The following RANBP10 variants were observed in gnomAD, a reference collection of about 807,000 sequenced individuals.
RANBP10 encodes the protein ran-binding protein 10.
A neutral mutation model predicts 72.8 loss-of-function variants in RANBP10; 24 were observed. The ratio of observed to expected loss-of-function variants is 0.33; its 90% confidence interval spans 0.24 to 0.46. The LOEUF (loss-of-function observed/expected upper bound fraction) is 0.46. Ranked by LOEUF, RANBP10 falls within the 20% of genes least tolerant of loss-of-function variation. The probability of loss-of-function intolerance (pLI) is 1.00; values close to 1 mark genes in which losing one functional copy is unlikely to be tolerated. For missense variants in RANBP10, 679 were observed against 817.5 expected (o/e 0.83, Z 2.07); for synonymous variants, 310 against 322.3 (o/e 0.96, Z 0.41).
Position 67,795,590 on chromosome 16 carries a change from G to A in RANBP10, c.347+9838C>T, listed in dbSNP as rs142368024. Among the ~76,000 whole-genome samples, 1,317 of 151,396 alleles carry A rather than the reference G, an allele frequency of 8.7e-3. 6 individuals carry two copies. Among genetic ancestry groups the A allele is most frequent in the Non-Finnish European group, 0.014 (953 of 67,882 alleles). The stretch of plus-strand genomic sequence containing the variant: ...TTTTTAAAAATAAAGGTTTTCGGCC[G>A]GGCGCGGTGGCTCACACCTGTAATC... On this transcript the variant is annotated intron_variant, in intron 2 of 13. Coordinates refer to ENST00000317506, the MANE Select transcript of RANBP10 (RefSeq NM_020850.3).
chr16:67,780,213 A>G (rs2054785086), intron 2 of RANBP10, among the ~76,000 whole-genome samples: 1 of 152,130 alleles, frequency 6.6e-6, no homozygotes. Context: ...GCCTGGCAAC[A>G]AAGCTAGACT....
intron 13 of RANBP10, among the ~76,000 whole-genome samples, chr16:67,726,819 GCAGA>G (rs2053610730): frequency 6.6e-6 from 1 of 152,242 alleles, no homozygotes; most frequent in Admixed American, 6.5e-5. Flanking sequence ...ACTCAGCTGG[GCAGA>G]CAGAGGTCAA....
chr16:67,749,312 C>T (rs2054150166), intron 3 of RANBP10, among the ~76,000 whole-genome samples: 1 of 152,208 alleles, frequency 6.6e-6, no homozygotes, highest in Non-Finnish European at 1.5e-5. Flanking sequence ...CAGGAAGCCT[C>T]TATTTAAACA....
Position 67,774,439 on chromosome 16 carries a change from C to T in RANBP10, c.348-2353G>A, listed in dbSNP as rs150602434. 5.1e-3 allele frequency among the ~76,000 whole-genome samples: 773 copies of T among 152,346 alleles called. 4 individuals are homozygous for T. Among genetic ancestry groups the T allele is most frequent in the African/African-American group, 0.018 (756 of 41,574 alleles). ...TCAAAACACAACTTGCTTAGGCCTC[C>T]CCACAGGAGACGCCTCTCCCTTCTC... On this transcript the variant is annotated intron_variant, in intron 2 of 13. Transcript: ENST00000317506.
At position 67,729,418 on chromosome 16, in the gene RANBP10, T is replaced by C. The variant is rs1326134652; in HGVS notation, c.1214A>G (p.Tyr405Cys). The C allele has an allele frequency of 3.7e-6, 6 of 1,611,814 alleles. No homozygotes were observed. The East Asian group carries it at 1.1e-4, about 30-fold the overall frequency. Residue 405 changes from tyrosine to cysteine, a missense_variant, in exon 10 of 14, where the codon TAC (tyrosine) becomes TGC (cysteine). Physicochemically the swap from Tyr to Cys is radical, Grantham distance 194. Transcript: ENST00000317506. This position sits in a 1 kb window ranked among gnomAD's most constrained non-coding sequence, Gnocchi z 7.1. Reference sequence around the variant, plus strand: ...CGAGGATGAGGAGCTGGGTGCAGGGTATTTACTGTGGTTCTGTTTGCTCTT... The same window carrying C: ...CGAGGATGAGGAGCTGGGTGCAGGGCATTTACTGTGGTTCTGTTTGCTCTT... ...STKSKQNHSK[Y>C]PAPSSSSSSS... is the part of the protein sequence containing the mutation.
At position 67,729,243 on chromosome 16, in the gene RANBP10, G is replaced by A. The variant is rs1399745248; in HGVS notation, c.1352+37C>T. ...CTGCAATGGGCCCAGCTGGCATAAG[G>A]CAGAAGGCAGAGGAGGAAGCAGAGC... On this transcript the variant is annotated intron_variant, in intron 10 of 13. Coordinates refer to ENST00000317506, the MANE Select transcript of RANBP10 (RefSeq NM_020850.3). This position sits in a 1 kb window ranked among gnomAD's most constrained non-coding sequence, Gnocchi z 7.1. 1.9e-6 allele frequency: 3 copies of A among 1,605,298 alleles called. No homozygotes were observed. Among genetic ancestry groups the A allele is most frequent in the African/African-American group, 2.7e-5 (2 of 74,918 alleles).
At chr16:67,744,192 G>T in intron 4 of RANBP10, 96 bp downstream of exon 4, 1 of 1,529,314 alleles carries the variant, frequency 6.5e-7, no homozygotes, top group East Asian at 2.3e-5. Flanking sequence ...CCAGAGCTCA[G>T]CAGAGGCGAC....
intron 3 of RANBP10, among the ~76,000 whole-genome samples, chr16:67,749,173 G>C (rs1420059061): frequency 6.6e-6 from 1 of 152,202 alleles, no homozygotes; most frequent in African/African-American, 2.4e-5. Context: ...TGTGACTGGA[G>C]AGGTGACACA....
intron 5 of RANBP10, 105 bp downstream of exon 5, chr16:67,737,908 G>A (rs2053886142): frequency 2.1e-6 from 3 of 1,408,972 alleles, no homozygotes; most frequent in African/African-American, 1.4e-5. Flanking sequence ...ATCCCTGGTT[G>A]GGGAAAGAAC....
In RANBP10 at chr16:67,730,145, G is replaced by T; in HGVS notation, c.890-99C>A. ...CAGCCTCAGGGTAGGGTCCGGCTCA[G>T]AGTGCCTCGCCAGCTTGAAATGCTC... On this transcript the variant is annotated intron_variant, in intron 7 of 13. Transcript: ENST00000317506. The surrounding 1 kb of genome is among the most constrained non-coding windows in gnomAD (Gnocchi z 4.3). 1 of 1,071,864 alleles carries T rather than the reference G, an allele frequency of 9.3e-7. No individual in the cohort carries two copies. Among genetic ancestry groups the T allele is most frequent in the Non-Finnish European group, 1.4e-6 (1 of 723,412 alleles). 66.4% of individuals were successfully genotyped at this position (1,071,864 alleles called of 1,614,324 possible). A position where few individuals can be genotyped will look rare whatever the true frequency, so the allele number is the denominator to read the frequency against.
chr16:67,761,433 G>T (rs1310498236), intron 3 of RANBP10, among the ~76,000 whole-genome samples: 4 of 152,202 alleles, frequency 2.6e-5, no homozygotes, highest in African/African-American at 9.7e-5. Flanking sequence ...TGATTGCTGT[G>T]CCATCTTTTT....
At chr16:67,777,465 G>T (rs1482324885) in intron 2 of RANBP10, among the ~76,000 whole-genome samples, 1 of 152,142 alleles carries the variant, frequency 6.6e-6, no homozygotes, top group Non-Finnish European at 1.5e-5. Flanking sequence ...GAACCCAGGA[G>T]GCTGAGCTTG....
intron 3 of RANBP10, among the ~76,000 whole-genome samples, chr16:67,763,841 C>T (rs1402716119): frequency 6.6e-6 from 1 of 152,192 alleles, no homozygotes; most frequent in African/African-American, 2.4e-5. Context: ...ACTGTAGGCG[C>T]ACGCCACCAC....
chr16:67,765,490 G>A (rs968863206), intron 3 of RANBP10, among the ~76,000 whole-genome samples: 1 of 151,858 alleles, frequency 6.6e-6, no homozygotes, highest in Non-Finnish European at 1.5e-5. Context: ...TTGTGCCATT[G>A]CACTCCAGCT....
At chr16:67,787,365 GAAGA>G (rs1245448503) in intron 2 of RANBP10, among the ~76,000 whole-genome samples, 1 of 152,062 alleles carries the variant, frequency 6.6e-6, no homozygotes, top group Non-Finnish European at 1.5e-5. Flanking sequence ...ATAAAAAAAT[GAAGA>G]AAGAAATAAA....
At chr16:67,776,972 G>A (rs754007612) in intron 2 of RANBP10, among the ~76,000 whole-genome samples, 1 of 151,434 alleles carries the variant, frequency 6.6e-6, no homozygotes, top group Non-Finnish European at 1.5e-5. Flanking sequence ...AGCACTTTAG[G>A]AGGCTGAGGC....
chr16:67,770,877 A>C (rs2143012403), intron 3 of RANBP10, among the ~76,000 whole-genome samples: 1 of 152,318 alleles, frequency 6.6e-6, no homozygotes, highest in African/African-American at 2.4e-5. Context: ...GGTTGAGCCA[A>C]CCAGAAGGTT....
intron 3 of RANBP10, among the ~76,000 whole-genome samples, chr16:67,745,265 C>T (rs1328119547): frequency 1.3e-5 from 2 of 152,098 alleles, no homozygotes; most frequent in Non-Finnish European, 1.5e-5. Context: ...TGTGAGCCAC[C>T]GTGCCTGGCC....
At chr16:67,736,451 G>A (rs570350764) in intron 5 of RANBP10, among the ~76,000 whole-genome samples, 8 of 152,304 alleles carry the variant, frequency 5.3e-5, no homozygotes, top group South Asian at 2.1e-4. Flanking sequence ...GTGAGCCAGC[G>A]CGCCTGGCCA....
Sources: allele counts gnomAD v4.1 joint callset (sites outside exome capture counted in the v4.1 genomes callset), GRCh38; gene constraint gnomAD v4.1.1; non-coding constraint Gnocchi (gnomAD v3.1); transcripts MANE v1.5; gene names NCBI Gene and HGNC (gene_info 2026-07-23, HGNC 2026-07-21).